Variants in AHRR observed in about 807,000 individuals in gnomAD.
AHRR encodes the protein aryl hydrocarbon receptor repressor, also known as ahR repressor.
A neutral mutation model predicts 44.0 loss-of-function variants in AHRR; 28 were observed. The observed-to-expected ratio is 0.64, with a 90% confidence interval of 0.47 to 0.87. AHRR has a LOEUF of 0.87. AHRR is among the 40% of genes least tolerant of loss of function. The probability of loss-of-function intolerance (pLI) is 0.00; values close to 1 mark genes in which losing one functional copy is unlikely to be tolerated. For synonymous variants in AHRR, 434 were observed against 407.0 expected (o/e 1.07, Z -0.80); for missense variants, 990 against 953.9 (o/e 1.04, Z -0.50).
At chr5:410,835 T>C (rs1735442446) in intron 4 of AHRR, among the ~76,000 whole-genome samples, 1 of 152,228 alleles carries the variant, frequency 6.6e-6, no homozygotes, top group Non-Finnish European at 1.5e-5. Context: ...TATAAGGTTA[T>C]TTAGATTTTC....
intron 1 of AHRR, among the ~76,000 whole-genome samples, chr5:333,662 G>A (rs1182681152): frequency 6.6e-6 from 1 of 152,120 alleles, no homozygotes; most frequent in Non-Finnish European, 1.5e-5. Context: ...TGGTATGTAA[G>A]GTTTGATTCC....
At chr5:432,708 G>T (rs1736787755) in intron 9 of AHRR, 98 bp from the exon 10 acceptor site, 4 of 1,589,972 alleles carry the variant, frequency 2.5e-6, no homozygotes, top group Non-Finnish European at 2.6e-6. Flanking sequence ...CATTTCTGAG[G>T]AGCCGATGGG....
At chr5:330,135 G>A (rs1360873976) in intron 1 of AHRR, among the ~76,000 whole-genome samples, 1 of 152,124 alleles carries the variant, frequency 6.6e-6, no homozygotes, top group Non-Finnish European at 1.5e-5. Flanking sequence ...TTTGTGGTAT[G>A]TTCCTTCTGT....
At chr5:325,353 G>A (rs572372213) in intron 1 of AHRR, among the ~76,000 whole-genome samples, 1 of 152,318 alleles carries the variant, frequency 6.6e-6, no homozygotes, top group Non-Finnish European at 1.5e-5. Flanking sequence ...TTTGCTCTAT[G>A]CCCGGCCCAC....
rs998830464 is a variant in AHRR, at chr5:386,675, C to T, written c.351+9959C>T. 5.3e-5 allele frequency among the ~76,000 whole-genome samples: 8 copies of T among 152,212 alleles called. 1 individual carries two copies. Among genetic ancestry groups the T allele is most frequent in the South Asian group, 2.1e-4 (1 of 4,824 alleles). The stretch of plus-strand genomic sequence containing the variant: ...CGGAGATCATTCCAGGCTTCAGCCA[C>T]GGGTCTGTAGGGAATGTGTTTGTGT... On this transcript the variant is annotated intron_variant, in intron 4 of 10. Transcript: ENST00000684583.
chr5:359,510 G>T (rs1023245715), intron 3 of AHRR, among the ~76,000 whole-genome samples: 1 of 152,110 alleles, frequency 6.6e-6, no homozygotes, highest in Non-Finnish European at 1.5e-5. Context: ...GCTGTGTAGA[G>T]AAGTGTGGAG....
chr5:427,911 A>G lies in AHRR; in HGVS notation c.813A>G (p.Ala271=). ...GGCTGTCGCTGTTCTGCATTGCGGC[A>G]CCCGTTCTCCTCCCCTCCGCAGCGG... ...PPRLSLFCIA[A]PVLLPSAAEM... The change falls in exon 8 of 11, where the codon GCA becomes GCG. Residue 271 remains alanine, a synonymous_variant. Transcript: ENST00000684583. 5 of 1,614,036 alleles carry G rather than the reference A, an allele frequency of 3.1e-6. No individual in the cohort carries two copies. Among genetic ancestry groups the G allele is most frequent in the Non-Finnish European group, 4.2e-6 (5 of 1,180,022 alleles).
At chr5:421,981 C>T (rs1050937150) in intron 5 of AHRR, among the ~76,000 whole-genome samples, 3 of 152,230 alleles carry the variant, frequency 2.0e-5, no homozygotes, top group African/African-American at 7.2e-5. Context: ...CTAGCAGTCC[C>T]TGGCACGGTT....
intron 3 of AHRR, among the ~76,000 whole-genome samples, chr5:362,028 G>A (rs1743203129): frequency 6.6e-6 from 1 of 152,174 alleles, no homozygotes; most frequent in Admixed American, 6.5e-5. Context: ...CTCATATGTT[G>A]AAGCCCTAGC....
In AHRR at chr5:400,044, G is replaced by A. The variant is rs773043061; in HGVS notation, c.352-13300G>A. 7.2e-5 allele frequency among the ~76,000 whole-genome samples: 11 copies of A among 152,318 alleles called. No homozygotes were observed. In the East Asian group the frequency reaches 2.1e-3, roughly 29 times the overall value. ...GGCCGGGCCAGCTGCCCCGACGCCC[G>A]CCCGGTGCCCGCTCGCGTGACTAGC... On this transcript the variant is annotated intron_variant, in intron 4 of 10. Coordinates refer to ENST00000684583, the MANE Select transcript of AHRR (RefSeq NM_001377236.1).
At chr5:417,511 T>A (rs1735882792) in intron 5 of AHRR, among the ~76,000 whole-genome samples, 3 of 152,232 alleles carry the variant, frequency 2.0e-5, no homozygotes. Flanking sequence ...ATGCTCAGAA[T>A]CACTGTCAAC....
intron 4 of AHRR, 59 bp from the exon 5 acceptor site, chr5:413,285 A>G: frequency 3.2e-6 from 4 of 1,248,092 alleles, no homozygotes; most frequent in South Asian, 2.6e-5. Flanking sequence ...GGATTCTTGC[A>G]CTTTTTCATT....
intron 3 of AHRR, among the ~76,000 whole-genome samples, chr5:360,124 AG>A (rs1743124853): frequency 6.6e-6 from 1 of 151,156 alleles, no homozygotes. Context: ...CAACTTCATA[AG>A]TGGGGGTGGG....
intron 4 of AHRR, among the ~76,000 whole-genome samples, chr5:385,564 C>T (rs1159691135): frequency 1.3e-5 from 2 of 152,178 alleles, no homozygotes; most frequent in African/African-American, 4.8e-5. Context: ...TGTCCACTAT[C>T]TTCTGGCCTC....
intron 5 of AHRR, among the ~76,000 whole-genome samples, chr5:415,573 G>A (rs1735733714): frequency 6.7e-6 from 1 of 148,572 alleles, no homozygotes; most frequent in Non-Finnish European, 1.5e-5. Flanking sequence ...GAATCTGCCT[G>A]GTCTGCTGGG....
At chr5:393,475 G>A (rs140119635) in intron 4 of AHRR, among the ~76,000 whole-genome samples, 9 of 152,354 alleles carry the variant, frequency 5.9e-5, no homozygotes, top group East Asian at 3.9e-4. Flanking sequence ...GTCTTCGTGC[G>A]TGGACGGTAG....
chr5:374,752 C>G (rs996580119), intron 3 of AHRR, among the ~76,000 whole-genome samples: 1 of 152,238 alleles, frequency 6.6e-6, no homozygotes, highest in Non-Finnish European at 1.5e-5. Flanking sequence ...TCGCCCCCCA[C>G]GGACACCTTA....
rs1235274102 is a variant in AHRR at position 434,283 on chromosome 5, G to A, written c.1543G>A (p.Val515Ile). The change falls in exon 11 of 11, where the codon GTA becomes ATA. Residue 515 changes from valine (V) to isoleucine (I), a missense_variant. Val to Ile is a conservative substitution (Grantham distance 29). Coordinates refer to ENST00000684583, the MANE Select transcript of AHRR (RefSeq NM_001377236.1). ...YPMEDMKLQG[V>I]PMPPGDLCGP... The stretch of plus-strand genomic sequence containing the variant: ...CATGGAGGACATGAAGCTGCAAGGT[G>A]TACCGATGCCTCCGGGGGACCTGTG... The A allele has an allele frequency of 1.2e-6, 2 of 1,607,256 alleles. No homozygotes were observed. Among genetic ancestry groups the A allele is most frequent in the South Asian group, 1.1e-5 (1 of 89,918 alleles).
rs983805748 is a variant in AHRR at position 324,135 on chromosome 5, C to T, written c.-11+2316C>T. ...AGTGCAATGGCGCTTTCTTGGCTCACTGCAACCTCTGCCTCCCAGGTTCAA... is the reference window on the plus strand; with the variant it reads ...AGTGCAATGGCGCTTTCTTGGCTCATTGCAACCTCTGCCTCCCAGGTTCAA... On this transcript the variant is annotated intron_variant, in intron 1 of 10. Coordinates refer to ENST00000684583, the MANE Select transcript of AHRR (RefSeq NM_001377236.1). 4.6e-5 allele frequency among the ~76,000 whole-genome samples: 7 copies of T among 151,864 alleles called. No individual in the cohort carries two copies. The South Asian group carries it at 8.3e-4, about 18-fold the overall frequency.
Sources: allele counts gnomAD v4.1 joint callset (sites outside exome capture counted in the v4.1 genomes callset), GRCh38; gene constraint gnomAD v4.1.1; transcripts MANE v1.5; gene names NCBI Gene and HGNC (gene_info 2026-07-23, HGNC 2026-07-21).